Variants in APBA2 observed in about 807,000 individuals in gnomAD.
APBA2 encodes amyloid-beta A4 precursor protein-binding family A member 2.
A neutral mutation model predicts 75.0 loss-of-function variants in APBA2; 30 were observed. The observed-to-expected ratio is 0.40, with a 90% CI of 0.30 to 0.54. APBA2 has a LOEUF of 0.54. Among genes scored for constraint, APBA2 ranks in the 20% least tolerant of loss-of-function variants. APBA2 has a pLI of 0.49. For missense variants in APBA2, 801 were observed against 1,016.1 expected (o/e 0.79, Z 2.88); for synonymous variants, 444 against 409.6 (o/e 1.08, Z -1.01).
chr15:29,092,606 A>G (rs1374422170), intron 6 of APBA2, among the ~76,000 whole-genome samples: 1 of 152,126 alleles, frequency 6.6e-6, no homozygotes, highest in Admixed American at 6.5e-5. Context: ...GTGAGGAGCT[A>G]CACGGGTGTC....
rs765084356 is a variant in APBA2 at position 28,908,315 on chromosome 15, G to GTTTTTTTTTTTTTTTTTTTTTTTT, written c.-204-13312_-204-13311insTTTTTTTTTTTTTTTTTTTTTTTT. On this transcript the variant is annotated intron_variant, in intron 1 of 14. Transcript: ENST00000683413. ...TTGTTTTTGTTTGTTTTGTTTTCTTGTTTTTTTTTTTTTGAGACAGAGTCT... is the reference window on the plus strand; with the variant it reads ...TTGTTTTTGTTTGTTTTGTTTTCTTGTTTTTTTTTTTTTTTTTTTTTTTTTTTTTTTTTTTTTGAGACAGAGTCT... Among the ~76,000 whole-genome samples, 13 of 137,586 alleles carry GTTTTTTTTTTTTTTTTTTTTTTTT rather than the reference G, an allele frequency of 9.4e-5. 1 individual carries two copies. Among genetic ancestry groups the GTTTTTTTTTTTTTTTTTTTTTTTT allele is most frequent in the African/African-American group, 3.9e-4 (13 of 33,174 alleles). The allele number at this position is 137,586 out of a possible 152,430, so 90.3% of individuals were successfully genotyped here.
At chr15:28,890,369 G>A (rs886432549) in intron 1 of APBA2, among the ~76,000 whole-genome samples, 5 of 152,196 alleles carry the variant, frequency 3.3e-5, no homozygotes, top group Admixed American at 6.5e-5. Flanking sequence ...TCAGCTCTGT[G>A]TCTCCCTGCA....
intron 3 of APBA2, among the ~76,000 whole-genome samples, chr15:29,024,623 C>A (rs750136952): frequency 6.6e-6 from 1 of 152,158 alleles, no homozygotes; most frequent in African/African-American, 2.4e-5. Flanking sequence ...CTAGCTCTTG[C>A]GCTTCTTGTA....
intron 3 of APBA2, among the ~76,000 whole-genome samples, chr15:29,039,023 A>G (rs373746592): frequency 1.4e-3 from 213 of 151,984 alleles, no homozygotes; most frequent in African/African-American, 4.9e-3. Context: ...TGATCAAGGA[A>G]GAAGATGAAG....
chr15:28,987,357 G>A (rs2037976776), intron 2 of APBA2, among the ~76,000 whole-genome samples: 1 of 152,142 alleles, frequency 6.6e-6, no homozygotes, highest in Non-Finnish European at 1.5e-5. Flanking sequence ...TTCTAGTGGA[G>A]GGGAAAGATG....
intron 3 of APBA2, among the ~76,000 whole-genome samples, chr15:29,045,967 A>G (rs891312229): frequency 3.9e-5 from 6 of 152,114 alleles, no homozygotes; most frequent in African/African-American, 7.2e-5. Context: ...GTCCCCATAT[A>G]ACAGTTGTAT....
At chr15:28,912,621 C>T (rs1356505598) in intron 1 of APBA2, among the ~76,000 whole-genome samples, 2 of 152,226 alleles carry the variant, frequency 1.3e-5, no homozygotes, top group African/African-American at 2.4e-5. Flanking sequence ...CATAGCCCAG[C>T]ACCCTCCAGA....
chr15:28,976,080 A>G (rs1382663855), intron 2 of APBA2, among the ~76,000 whole-genome samples: 1 of 152,216 alleles, frequency 6.6e-6, no homozygotes, highest in African/African-American at 2.4e-5. Context: ...AAAGTAACAG[A>G]TATGTTTCTA....
intron 2 of APBA2, among the ~76,000 whole-genome samples, chr15:28,969,147 T>TCTTG (rs2036909718): frequency 1.3e-5 from 1 of 76,170 alleles, no homozygotes; most frequent in African/African-American, 4.7e-4. Flanking sequence ...TTTCTTTCTT[T>TCTTG]CTTTCTTTCT....
intron 2 of APBA2, among the ~76,000 whole-genome samples, chr15:28,939,153 C>T (rs1159144377): frequency 1.3e-5 from 2 of 152,120 alleles, no homozygotes; most frequent in Admixed American, 6.5e-5. Context: ...GCATGGTGTC[C>T]GTAGGGGTCC....
intron 3 of APBA2, among the ~76,000 whole-genome samples, chr15:29,025,200 A>G (rs1363100023): frequency 6.6e-6 from 1 of 152,046 alleles, no homozygotes; most frequent in Non-Finnish European, 1.5e-5. Context: ...GTTAACCTCA[A>G]AAGGGGAAAG....
At chr15:29,096,632 C>A (rs2043862787) in intron 8 of APBA2, among the ~76,000 whole-genome samples, 1 of 152,226 alleles carries the variant, frequency 6.6e-6, no homozygotes, top group Admixed American at 6.5e-5. Context: ...GCCCAAAAGA[C>A]CCTTTCCCTT....
intron 6 of APBA2, among the ~76,000 whole-genome samples, chr15:29,077,828 C>G (rs2042914957): frequency 6.6e-6 from 1 of 152,100 alleles, no homozygotes; most frequent in Non-Finnish European, 1.5e-5. Flanking sequence ...CTTCATGGAC[C>G]AAAATCTTAC....
At chr15:28,948,780 A>T (rs1421473229) in intron 2 of APBA2, among the ~76,000 whole-genome samples, 1 of 152,058 alleles carries the variant, frequency 6.6e-6, no homozygotes, top group Non-Finnish European at 1.5e-5. Flanking sequence ...TGCTCACTGC[A>T]AATAGGGGCA....
intron 1 of APBA2, among the ~76,000 whole-genome samples, chr15:28,900,533 T>A (rs773488946): frequency 2.6e-5 from 4 of 152,204 alleles, no homozygotes; most frequent in Non-Finnish European, 5.9e-5. Flanking sequence ...CCCGACAGAC[T>A]CTCCCCATCA....
At chr15:28,972,605 G>A (rs2152754366) in intron 2 of APBA2, among the ~76,000 whole-genome samples, 1 of 152,358 alleles carries the variant, frequency 6.6e-6, no homozygotes, top group South Asian at 2.1e-4. Flanking sequence ...GAAAACGTGA[G>A]TGAAGGATTT....
intron 10 of APBA2, among the ~76,000 whole-genome samples, chr15:29,102,954 G>GGGTCCACTTGGGTCCACTTT (rs1369071747): frequency 6.6e-6 from 1 of 152,108 alleles, no homozygotes; most frequent in East Asian, 1.9e-4. Context: ...CTAAGAACTT[G>GGGTCCACTTGGGTCCACTTT]GGTCCACTTG....
chr15:29,032,889 G>A (rs901916675), intron 3 of APBA2, among the ~76,000 whole-genome samples: 2 of 152,178 alleles, frequency 1.3e-5, no homozygotes, highest in African/African-American at 2.4e-5. Flanking sequence ...CACAGAAGGC[G>A]GACAGTACAT....
Position 28,967,733 on chromosome 15 carries a change from C to T in APBA2, c.-94-28020C>T, listed in dbSNP as rs1000448135. Among the ~76,000 whole-genome samples, 9 of 152,274 alleles carry T rather than the reference C, an allele frequency of 5.9e-5. No homozygotes were observed. The South Asian group carries it at 6.2e-4, about 11-fold the overall frequency. ...GATTATAGGTGTGAGCCTCCGCGCC[C>T]GGCCCCTTTCTTTATTTTTAAAATG... On this transcript the variant is annotated intron_variant, in intron 2 of 14. Coordinates refer to ENST00000683413, the MANE Select transcript of APBA2 (RefSeq NM_001353788.2).
Sources: allele counts gnomAD v4.1 joint callset (sites outside exome capture counted in the v4.1 genomes callset), GRCh38; gene constraint gnomAD v4.1.1; transcripts MANE v1.5; gene names NCBI Gene and HGNC (gene_info 2026-07-23, HGNC 2026-07-21).